Variants in RBFOX1 observed in about 807,000 individuals in gnomAD.
RBFOX1 encodes the protein RNA binding fox-1 homolog 1, also known as RNA binding protein fox-1 homolog 1.
In RBFOX1, 8 loss-of-function variants were observed where a neutral mutation model predicts 57.7. The ratio of observed to expected loss-of-function variants is 0.14; its 90% CI spans 0.08 to 0.25. The LOEUF is 0.25. Among genes scored for constraint, RBFOX1 ranks in the 10% least tolerant of loss-of-function variants. The pLI is 1.00. For missense variants in RBFOX1, 611 were observed against 548.5 expected, an observed-to-expected ratio of 1.11 and a Z score of -1.14; for synonymous variants, 326 against 222.4, an observed-to-expected ratio of 1.47 and a Z score of -4.15.
intron 2 of RBFOX1, among the ~76,000 whole-genome samples, chr16:5,485,334 A>G (rs2069691013): frequency 9.0e-6 from 1 of 111,332 alleles, no homozygotes; most frequent in Non-Finnish European, 1.9e-5. Flanking sequence ...CGACAGAGCC[A>G]GACTCCGTGT....
intron 3 of RBFOX1, among the ~76,000 whole-genome samples, chr16:6,833,100 G>A (rs1314438152): frequency 6.6e-6 from 1 of 150,804 alleles, no homozygotes; most frequent in East Asian, 2.0e-4. Context: ...CCTCTTTCTG[G>A]AAGGCTTTTT....
Position 5,988,497 on chromosome 16 carries a change from G to A in RBFOX1, c.351+121162G>A, listed in dbSNP as rs762256500. Among the ~76,000 whole-genome samples the A allele has an allele frequency of 4.6e-5, 7 of 152,208 alleles. No individual in the cohort carries two copies. The East Asian group carries it at 5.8e-4, about 13-fold the overall frequency. ...TCTTAGGTCTGGTTACCACTACTTC[G>A]TCTAAGTTCCCAGAGGAAGGAGGGT... is the stretch of plus-strand genomic sequence containing the variant. On this transcript the variant is annotated intron_variant, in intron 4 of 19. Coordinates refer to the RBFOX1 transcript ENST00000641259.
chr16:7,674,792 G>T (rs1242690024), intron 13 of RBFOX1, among the ~76,000 whole-genome samples: 1 of 152,184 alleles, frequency 6.6e-6, no homozygotes, highest in East Asian at 1.9e-4. Flanking sequence ...GGTTCATTTA[G>T]TTGTTTGCAC....
chr16:6,058,037 A>G (rs2095636496), intron 1 of RBFOX1, among the ~76,000 whole-genome samples: 1 of 152,060 alleles, frequency 6.6e-6, no homozygotes, highest in Admixed American at 6.6e-5. Flanking sequence ...AAAGGATGGC[A>G]GAGTTCAAAG....
chr16:7,490,149 T>G (rs543496993), intron 4 of RBFOX1, among the ~76,000 whole-genome samples: 74 of 152,350 alleles, frequency 4.9e-4, no homozygotes, highest in African/African-American at 1.7e-3. Flanking sequence ...TTCAGTCTTC[T>G]GAGCCATAAT....
At chr16:6,537,367 A>G (rs1440231418) in intron 2 of RBFOX1, among the ~76,000 whole-genome samples, 1 of 152,218 alleles carries the variant, frequency 6.6e-6, no homozygotes, top group Non-Finnish European at 1.5e-5. Context: ...ATAGCTTACA[A>G]TTATGGATGA....
chr16:5,743,889 C>T (rs2052873494), intron 3 of RBFOX1, among the ~76,000 whole-genome samples: 2 of 152,154 alleles, frequency 1.3e-5, no homozygotes, highest in African/African-American at 4.8e-5. Flanking sequence ...TAATGATAGG[C>T]ATGATGTCAT....
intron 3 of RBFOX1, among the ~76,000 whole-genome samples, chr16:6,801,319 G>C (rs1009499708): frequency 3.3e-5 from 5 of 152,064 alleles, no homozygotes; most frequent in Admixed American, 3.3e-4. Context: ...ACAGTTGAGA[G>C]AGAACCATAC....
chr16:6,539,159 G>A lies in RBFOX1; in HGVS notation c.-63-115444G>A, dbSNP rs142017582. Reference sequence around the variant, plus strand: ...AAGAAAATTTGCCCATGGTATGACTGTTCTTCTCCTTGGCGGGAAACTTCT... The same window carrying A: ...AAGAAAATTTGCCCATGGTATGACTATTCTTCTCCTTGGCGGGAAACTTCT... On this transcript the variant is annotated intron_variant, in intron 2 of 15. Transcript: ENST00000550418. Among the ~76,000 whole-genome samples, 50 of 151,906 alleles carry A rather than the reference G, an allele frequency of 3.3e-4. 1 individual carries two copies. In the East Asian group the frequency reaches 9.3e-3, roughly 28 times the overall value.
intron 1 of RBFOX1, among the ~76,000 whole-genome samples, chr16:6,208,026 G>C (rs1470572048): frequency 6.6e-6 from 1 of 151,942 alleles, no homozygotes. Context: ...ATATATGTGT[G>C]TGTATACATA....
At chr16:6,241,629 T>C (rs2097540554) in intron 1 of RBFOX1, among the ~76,000 whole-genome samples, 2 of 152,182 alleles carry the variant, frequency 1.3e-5, no homozygotes, top group Non-Finnish European at 1.5e-5. Flanking sequence ...TGGTGTTAAA[T>C]AGAGTTGCAA....
At chr16:5,680,893 TTGTGTG>T (rs34949358) in intron 3 of RBFOX1, among the ~76,000 whole-genome samples, 1 of 150,098 alleles carries the variant, frequency 6.7e-6, no homozygotes, top group South Asian at 2.1e-4. Flanking sequence ...GAGCTTGTAT[TTGTGTG>T]TGTGTGTGTG....
At chr16:5,901,667 C>G (rs1379014305) in intron 4 of RBFOX1, among the ~76,000 whole-genome samples, 1 of 152,158 alleles carries the variant, frequency 6.6e-6, no homozygotes, top group Non-Finnish European at 1.5e-5. Flanking sequence ...TAGGAAATTT[C>G]CATCACTACA....
chr16:5,830,337 G>T (rs140425707), intron 3 of RBFOX1, among the ~76,000 whole-genome samples: 5 of 151,858 alleles, frequency 3.3e-5, no homozygotes, highest in Non-Finnish European at 5.9e-5. Flanking sequence ...AGGCCTTCTG[G>T]AACCTAATGA....
intron 4 of RBFOX1, among the ~76,000 whole-genome samples, chr16:7,169,789 G>T (rs1423133024): frequency 2.7e-5 from 4 of 149,736 alleles, no homozygotes; most frequent in African/African-American, 9.9e-5. Flanking sequence ...ATGTATAATT[G>T]CAGGGTGCAG....
At chr16:6,481,388 G>A (rs1196614204) in intron 2 of RBFOX1, among the ~76,000 whole-genome samples, 1 of 152,204 alleles carries the variant, frequency 6.6e-6, no homozygotes, top group Non-Finnish European at 1.5e-5. Context: ...TGCCAAGGTT[G>A]TCACGCTCTG....
chr16:5,596,584 G>A (rs1345929793), intron 2 of RBFOX1, among the ~76,000 whole-genome samples: 2 of 152,178 alleles, frequency 1.3e-5, no homozygotes, highest in Non-Finnish European at 2.9e-5. Flanking sequence ...TCAAAGAAAG[G>A]ACCAGGCTGT....
chr16:5,598,078 C>T (rs989076268), intron 2 of RBFOX1, among the ~76,000 whole-genome samples: 15 of 152,022 alleles, frequency 9.9e-5, no homozygotes, highest in Non-Finnish European at 2.1e-4. Context: ...AGGTGGATCA[C>T]CTGAGGTCAG....
intron 3 of RBFOX1, among the ~76,000 whole-genome samples, chr16:5,718,691 G>C (rs2051810938): frequency 6.6e-6 from 1 of 152,316 alleles, no homozygotes; most frequent in East Asian, 1.9e-4. Context: ...TGGATCACCT[G>C]AAGTCAGGAG....
Sources: allele counts gnomAD v4.1 joint callset (sites outside exome capture counted in the v4.1 genomes callset), GRCh38; gene constraint gnomAD v4.1.1; transcripts MANE v1.5; gene names NCBI Gene and HGNC (gene_info 2026-07-23, HGNC 2026-07-21).